Variants in HMMR observed in about 807,000 individuals in gnomAD.
HMMR encodes intracellular hyaluronic acid-binding protein.
In HMMR, 108 loss-of-function variants were observed where a neutral mutation model predicts 101.0. That is an observed-to-expected ratio of 1.07 (90% CI 0.92 to 1.25). The LOEUF is 1.25. Among genes scored for constraint, HMMR ranks in the 50% most tolerant of loss-of-function variants. HMMR has a pLI of 0.00. For missense variants in HMMR, 813 were observed against 788.7 expected, an observed-to-expected ratio of 1.03 and a Z score of -0.37; for synonymous variants, 296 against 276.4, an observed-to-expected ratio of 1.07 and a Z score of -0.70.
intron 1 of HMMR, among the ~76,000 whole-genome samples, chr5:163,461,287 T>G (rs571388079): frequency 5.3e-4 from 81 of 152,268 alleles, no homozygotes; most frequent in Admixed American, 2.0e-3. Flanking sequence ...TTACATCGAT[T>G]ATTAGTTATG....
intron 2 of HMMR, 80 bp from the exon 3 acceptor site, chr5:163,464,643 A>T (rs1343841745): frequency 4.1e-6 from 4 of 978,612 alleles, no homozygotes; most frequent in Admixed American, 4.4e-5. Context: ...AGAAAGACAA[A>T]AAAATTTGGA....
intron 11 of HMMR, among the ~76,000 whole-genome samples, chr5:163,478,033 A>G (rs1759125244): frequency 6.6e-6 from 1 of 152,140 alleles, no homozygotes; most frequent in Non-Finnish European, 1.5e-5. Context: ...TTAGTTCTGT[A>G]TATTCTTTAA....
At chr5:163,487,818 TA>T (rs765504940) in intron 16 of HMMR, among the ~76,000 whole-genome samples, 16 of 152,064 alleles carry the variant, frequency 1.1e-4, no homozygotes, top group Non-Finnish European at 2.2e-4. Flanking sequence ...TTTCTTTTTT[TA>T]AATTTTTAGT....
chr5:163,466,216 G>A (rs1353258689), intron 3 of HMMR, among the ~76,000 whole-genome samples: 6 of 151,044 alleles, frequency 4.0e-5, no homozygotes, highest in South Asian at 2.1e-4. Flanking sequence ...GCAGTGAGCC[G>A]AGAGATTGCA....
In HMMR at chr5:163,473,227, A is replaced by T. The variant is rs1261949293; in HGVS notation, c.699A>T (p.Lys233Asn). 1 of 1,579,890 alleles carries T rather than the reference A, an allele frequency of 6.3e-7. No individual in the cohort carries two copies. The highest frequency in any genetic ancestry group is 8.7e-7 in the Non-Finnish European group (1 of 1,151,608). ...TTGATGAAAAATCTGAAACAGAAAA[A>T]CTCTTGGAATACATCGAAGAAATTA... ...EKIDEKSETE[K>N]LLEYIEEISC... Residue 233 changes from lysine (K) to asparagine (N), a missense_variant, in exon 8 of 18, where the codon AAA becomes AAT. By Grantham distance (94) the Lys-to-Asn change is moderately conservative (BLOSUM62 0). Coordinates refer to ENST00000393915, the MANE Select transcript of HMMR (RefSeq NM_001142556.2).
rs1158568022 is a variant in HMMR, at chr5:163,463,994, A to G, written c.145+40A>G. ...CAAAGAACAATGGTTATGTGATCTTATAAGTTTTAAAGTTATGAATAACAA... is the reference window on the plus strand; with the variant it reads ...CAAAGAACAATGGTTATGTGATCTTGTAAGTTTTAAAGTTATGAATAACAA... On this transcript the variant is annotated intron_variant, in intron 2 of 17. Transcript: ENST00000393915. The G allele has an allele frequency of 9.2e-6, 6 of 654,294 alleles. No individual in the cohort carries two copies. In the East Asian group the frequency reaches 1.9e-4, roughly 21 times the overall value. The allele number at this position is 654,294 out of a possible 1,614,324, so 40.5% of individuals were successfully genotyped here.
rs1758819828 is a variant in HMMR, at chr5:163,469,790, T to G, written c.423T>G (p.Leu141=). ...SANNATLEKQ[L]IELTRTNELL... ...ATAATGCTACACTGGAAAAACAACT[T>G]ATTGAATTGACCAGGACTAATGAAC... Residue 141 remains leucine (L), a synonymous_variant, in exon 5 of 18, where the codon CTT becomes CTG. Coordinates refer to ENST00000393915, the MANE Select transcript of HMMR (RefSeq NM_001142556.2). 6.2e-7 allele frequency: 1 copy of G among 1,611,160 alleles called. No homozygotes were observed.
chr5:163,472,704 A>G (rs1758936803), intron 7 of HMMR, among the ~76,000 whole-genome samples: 3 of 152,062 alleles, frequency 2.0e-5, no homozygotes, highest in Admixed American at 2.0e-4. Flanking sequence ...TTATGTGCTT[A>G]TTGACCATTT....
rs1156270730 is a variant in HMMR, at chr5:163,460,710, G to A, written c.18G>A (p.Ala6=). 2 of 1,608,250 alleles carry A rather than the reference G, an allele frequency of 1.2e-6. No homozygotes were observed. The highest frequency in any genetic ancestry group is 1.1e-5 in the South Asian group (1 of 89,712). The change falls in exon 1 of 18, where the codon GCG becomes GCA. Residue 6 remains alanine, a synonymous_variant. Coordinates refer to ENST00000393915, the MANE Select transcript of HMMR (RefSeq NM_001142556.2). MSFPK[A]PLKRFNDPSG... ...CCGTCAACATGTCCTTTCCTAAGGC[G>A]CCCTTGAAACGATTCAATGACCCTT...
Position 163,475,446 on chromosome 5 carries a change from G to A in HMMR, c.1054-12G>A, listed in dbSNP as rs1195038343. 2.6e-6 allele frequency: 4 copies of A among 1,510,390 alleles called. No homozygotes were observed. The South Asian group carries it at 4.9e-5, about 18-fold the overall frequency. The allele number at this position is 1,510,390 out of a possible 1,614,324, so 93.6% of individuals were successfully genotyped here. ...TTCCAAATTATTTTGGTGGTTTTCT[G>A]TTTGGATATAGGAATTATCTTCGAG... On this transcript the variant is annotated splice_polypyrimidine_tract_variant and intron_variant, in intron 10 of 17. Coordinates refer to ENST00000393915, the MANE Select transcript of HMMR (RefSeq NM_001142556.2).
At position 163,468,221 on chromosome 5, in the gene HMMR, C is replaced by T. The variant is rs1758763563; in HGVS notation, c.273+473C>T. On this transcript the variant is annotated intron_variant, in intron 4 of 17. Coordinates refer to ENST00000393915, the MANE Select transcript of HMMR (RefSeq NM_001142556.2). Reference sequence around the variant, plus strand: ...TCCTCATGGGTGAAATAACATAGAGCTGTGCTGTTTGATATGGTAGCTACT... The same window carrying T: ...TCCTCATGGGTGAAATAACATAGAGTTGTGCTGTTTGATATGGTAGCTACT... Among the ~76,000 whole-genome samples, 4 of 152,302 alleles carry T rather than the reference C, an allele frequency of 2.6e-5. No homozygotes were observed. In the South Asian group the frequency reaches 8.3e-4, roughly 32 times the overall value.
At chr5:163,474,423 A>G in intron 10 of HMMR, 2 of 530,474 alleles carry the variant, frequency 3.8e-6, no homozygotes, top group Non-Finnish European at 7.0e-6. Flanking sequence ...ATGACAACAG[A>G]TACAGCAAAA....
intron 12 of HMMR, among the ~76,000 whole-genome samples, chr5:163,481,279 C>T (rs1405749526): frequency 2.6e-5 from 4 of 151,090 alleles, no homozygotes; most frequent in Admixed American, 2.0e-4. Flanking sequence ...TGTATCAGAA[C>T]ATATAAATCA....
At chr5:163,472,623 C>G (rs1047799184) in intron 7 of HMMR, among the ~76,000 whole-genome samples, 1 of 152,124 alleles carries the variant, frequency 6.6e-6, no homozygotes, top group African/African-American at 2.4e-5. Flanking sequence ...TTGATTTTAG[C>G]CTTTCTACTA....
At chr5:163,473,812 T>C (rs781019845) in intron 9 of HMMR, among the ~76,000 whole-genome samples, 5 of 152,066 alleles carry the variant, frequency 3.3e-5, no homozygotes, top group Admixed American at 6.5e-5. Context: ...AGTCATATAA[T>C]TCTTGACTTT....
rs190161666 is a variant in HMMR at position 163,469,082 on chromosome 5, C to T, written c.274-559C>T. Among the ~76,000 whole-genome samples, 92 of 152,050 alleles carry T rather than the reference C, an allele frequency of 6.1e-4. 1 individual carries two copies. The highest frequency in any genetic ancestry group is 3.4e-3 in the Middle Eastern group (1 of 294). ...AAATACCTTAAAAGTGAATAAATAG[C>T]GGCCGGGTGTGGTGGCTTACACCTG... is the stretch of plus-strand genomic sequence containing the variant. On this transcript the variant is annotated intron_variant, in intron 4 of 17. Coordinates refer to ENST00000393915, the MANE Select transcript of HMMR (RefSeq NM_001142556.2).
Position 163,464,706 on chromosome 5 carries a change from A to G in HMMR, c.146-17A>G. ...CATTGACATCAACCATGATCTGTAC[A>G]ATTCATTTTTCCGCAGAATCTAAAC... On this transcript the variant is annotated splice_polypyrimidine_tract_variant and intron_variant, in intron 2 of 17. Coordinates refer to ENST00000393915, the MANE Select transcript of HMMR (RefSeq NM_001142556.2). 1 of 1,535,038 alleles carries G rather than the reference A, an allele frequency of 6.5e-7. No homozygotes were observed. The highest frequency in any genetic ancestry group is 2.2e-5 in the East Asian group (1 of 44,470).
intron 10 of HMMR, chr5:163,474,664 A>G (rs905206776): frequency 1.8e-5 from 8 of 440,306 alleles, no homozygotes; most frequent in Non-Finnish European, 3.6e-5. Context: ...GTAAATATAG[A>G]AAGATACTCC....
At chr5:163,463,673 A>G (rs1460940337) in intron 1 of HMMR, among the ~76,000 whole-genome samples, 183 bp from the exon 2 acceptor site, 1 of 152,226 alleles carries the variant, frequency 6.6e-6, no homozygotes, top group Non-Finnish European at 1.5e-5. Flanking sequence ...ATAAAGGGCA[A>G]GATGATATTG....
Sources: gnomAD v4.1 joint callset for allele counts (sites outside exome capture counted in the v4.1 genomes callset) on GRCh38, gnomAD v4.1.1 for gene constraint, MANE v1.5 for transcripts, NCBI Gene and HGNC (gene_info 2026-07-23, HGNC 2026-07-21) for gene names.